RP1: variants seen among roughly 807,000 people sequenced by gnomAD.
The protein encoded by RP1 is oxygen-regulated protein 1.
Under a neutral mutation model 14.8 loss-of-function variants are expected in RP1, and 16 were observed. The observed-to-expected ratio is 1.08, with a 90% CI of 0.73 to 1.65. The LOEUF (loss-of-function observed/expected upper bound fraction) is 1.65, where lower values mean the gene tolerates loss of function less well. RP1 is among the 40% of genes most tolerant of loss of function. The probability of loss-of-function intolerance (pLI) is 0.00; values close to 1 mark genes in which losing one functional copy is unlikely to be tolerated. For missense variants in RP1, 2,631 were observed against 2,535.0 expected (o/e 1.04, Z -0.81); for synonymous variants, 876 against 883.6 (o/e 0.99, Z 0.15).
intron 1 of RP1, among the ~76,000 whole-genome samples, chr8:54,618,938 C>T (rs775856344): frequency 1.3e-4 from 20 of 152,156 alleles, no homozygotes; most frequent in Non-Finnish European, 2.6e-4. Flanking sequence ...TGGGATTGCA[C>T]GTGTGAGCCA....
intron 19 of RP1, among the ~76,000 whole-genome samples, chr8:54,741,576 C>A (rs898293064): frequency 1.3e-5 from 2 of 151,268 alleles, no homozygotes; most frequent in Admixed American, 1.3e-4. Flanking sequence ...ATGATGTTTA[C>A]ACAATAATGA....
intron 21 of RP1, chr8:54,758,838 G>T: frequency 1.4e-6 from 2 of 1,391,832 alleles, no homozygotes; most frequent in Non-Finnish European, 1.9e-6. Flanking sequence ...TCTGGCAGTC[G>T]TTTAACTATT....
exon 29 of RP1, chr8:54,869,846 G>T: frequency 2.5e-6 from 3 of 1,224,320 alleles, no homozygotes; most frequent in Non-Finnish European, 3.1e-6. Context: ...ATGGCAGATG[G>T]CTAGATGAGT....
At chr8:54,679,701 AACAGCCTATAGAGTT>A (rs1404496834) in intron 11 of RP1, 1 of 1,526,298 alleles carries the variant, frequency 6.6e-7, no homozygotes, top group Non-Finnish European at 8.8e-7. Flanking sequence ...GTTAAAACAA[AACAGCCTATAGAGTT>A]TAGTAAGTGC....
At chr8:54,661,450 GC>G (rs1257340552) in intron 6 of RP1, among the ~76,000 whole-genome samples, 2 of 151,504 alleles carry the variant, frequency 1.3e-5, no homozygotes, top group Admixed American at 1.3e-4. Context: ...CTGCATTCCA[GC>G]CTGAGTGACA....
chr8:54,699,544 C>T (rs1457302737), exon 13 of RP1: 3 of 1,397,076 alleles, frequency 2.1e-6, no homozygotes, highest in East Asian at 2.6e-5. Context: ...TTCTCTTGCT[C>T]TTGACAATGG....
At chr8:54,597,269 AACAGGGATAATAATAGTAC>A (rs1805170328) in intron 1 of RP1, among the ~76,000 whole-genome samples, 1 of 152,178 alleles carries the variant, frequency 6.6e-6, no homozygotes, top group South Asian at 2.1e-4. Flanking sequence ...TACTTGGAAA[AACAGGGATAATAATAGTAC>A]ATACTTCCTA....
At chr8:54,842,494 G>C (rs1326872484) in intron 25 of RP1, among the ~76,000 whole-genome samples, 1 of 152,110 alleles carries the variant, frequency 6.6e-6, no homozygotes, top group Admixed American at 6.5e-5. Flanking sequence ...CCAGGAGCAC[G>C]GCAGAGCAGC....
At chr8:54,836,165 T>G (rs990262831) in intron 24 of RP1, among the ~76,000 whole-genome samples, 2 of 152,096 alleles carry the variant, frequency 1.3e-5, no homozygotes, top group Non-Finnish European at 1.5e-5. Flanking sequence ...GGATAACGGG[T>G]GTAATTTCTG....
chr8:54,684,816 GGAA>G (rs1807520105), intron 12 of RP1, among the ~76,000 whole-genome samples: 1 of 152,108 alleles, frequency 6.6e-6, no homozygotes, highest in Non-Finnish European at 1.5e-5. Flanking sequence ...GCCATAAAAA[GGAA>G]TGAGATCATG....
chr8:54,790,227 A>G (rs1241457087), intron 24 of RP1, among the ~76,000 whole-genome samples: 1 of 152,180 alleles, frequency 6.6e-6, no homozygotes, highest in Non-Finnish European at 1.5e-5. Context: ...ACCCAACATC[A>G]GAGCATGGGC....
chr8:54,627,899 C>T lies in RP1; in HGVS notation c.4017C>T (p.Cys1339=), dbSNP rs1216454845. The T allele has an allele frequency of 6.2e-7, 1 of 1,614,004 alleles. No homozygotes were observed. The highest frequency in any genetic ancestry group is 1.3e-5 in the African/African-American group (1 of 74,912). ...IDETYVPVNV[C]NTIDFLNSKE... ...AGACCTACGTTCCTGTCAATGTCTGCAATACCATTGACTTTTTAAACTCCA... is the reference window on the plus strand; with the variant it reads ...AGACCTACGTTCCTGTCAATGTCTGTAATACCATTGACTTTTTAAACTCCA... The change falls in exon 4 of 4, where the codon TGC becomes TGT. Residue 1339 remains cysteine (C), a synonymous_variant. Transcript: ENST00000220676.
chr8:54,629,648 T>G lies in RP1; in HGVS notation c.5766T>G (p.Thr1922=). The G allele has an allele frequency of 6.2e-7, 1 of 1,613,982 alleles. No individual in the cohort carries two copies. Among genetic ancestry groups the G allele is most frequent in the Non-Finnish European group, 8.5e-7 (1 of 1,179,992 alleles). The change falls in exon 4 of 4, where the codon ACT becomes ACG. Residue 1922 remains threonine (T), a synonymous_variant. Transcript: ENST00000220676. ...GTGGTCAACATTGCCCAATACTAAC[T>G]GTTATTATCCAACCCATGAATGAGG... ...ALCGQHCPIL[T]VIIQPMNEED...
intron 24 of RP1, among the ~76,000 whole-genome samples, chr8:54,834,910 A>T (rs775769002): frequency 1.3e-5 from 2 of 152,162 alleles, no homozygotes; most frequent in African/African-American, 2.4e-5. Context: ...CACAAAGCTA[A>T]TTGGTGTTCC....
intron 1 of RP1, among the ~76,000 whole-genome samples, chr8:54,602,817 T>C (rs1805323537): frequency 6.6e-6 from 1 of 152,224 alleles, no homozygotes; most frequent in East Asian, 1.9e-4. Flanking sequence ...ATGTGTCTTT[T>C]GGCTGCATAA....
downstream of RP1, among the ~76,000 whole-genome samples, chr8:54,635,344 G>T (rs116286856): frequency 2.2e-3 from 338 of 152,260 alleles, 1 homozygote; most frequent in African/African-American, 7.5e-3. Flanking sequence ...ATAAATGGCT[G>T]CAGTCTACAG....
chr8:54,850,524 C>A (rs1289224054), intron 25 of RP1, among the ~76,000 whole-genome samples: 2 of 152,118 alleles, frequency 1.3e-5, no homozygotes, highest in Admixed American at 1.3e-4. Context: ...TTTAAATCAA[C>A]AACTTTGAGC....
chr8:54,787,376 C>T (rs1810347207), intron 24 of RP1, among the ~76,000 whole-genome samples: 1 of 152,020 alleles, frequency 6.6e-6, no homozygotes, highest in African/African-American at 2.4e-5. Context: ...ACTAGACACT[C>T]ATAAATATCC....
intron 1 of RP1, among the ~76,000 whole-genome samples, chr8:54,591,690 C>T (rs535179203): frequency 6.8e-4 from 103 of 152,208 alleles, no homozygotes; most frequent in African/African-American, 2.4e-3. Flanking sequence ...AGCTCACAAT[C>T]CTTTGGGTGG....
Sources: gnomAD v4.1 joint callset for allele counts (sites outside exome capture counted in the v4.1 genomes callset) on GRCh38, gnomAD v4.1.1 for gene constraint, MANE v1.5 for transcripts, NCBI Gene and HGNC (gene_info 2026-07-23, HGNC 2026-07-21) for gene names.